Variants in RYR2 observed in about 807,000 individuals in gnomAD.
RYR2 encodes ryanodine receptor 2.
In RYR2, 227 loss-of-function variants were observed where a neutral mutation model predicts 601.1. The ratio of observed to expected loss-of-function variants is 0.38; its 90% CI spans 0.34 to 0.42. RYR2 has a LOEUF of 0.42. RYR2 is among the 10% of genes least tolerant of loss of function. The pLI is 1.00. For missense variants in RYR2, 4,646 were observed against 6,156.5 expected, an observed-to-expected ratio of 0.75 and a Z score of 8.21; for synonymous variants, 2,223 against 2,175.1, an observed-to-expected ratio of 1.02 and a Z score of -0.61.
At chr1:237,161,396 G>T (rs1675999338) in intron 1 of RYR2, among the ~76,000 whole-genome samples, 1 of 151,930 alleles carries the variant, frequency 6.6e-6, no homozygotes, top group Admixed American at 6.6e-5. Context: ...AGTTGATAAT[G>T]AATTTAAATA....
In RYR2 at chr1:237,614,489, C is replaced by T; in HGVS notation, c.5361C>T (p.Leu1787=). 2 of 1,614,032 alleles carry T rather than the reference C, an allele frequency of 1.2e-6. No homozygotes were observed. Among genetic ancestry groups the T allele is most frequent in the Non-Finnish European group, 1.7e-6 (2 of 1,179,888 alleles). The change falls in exon 37 of 105, where the codon CTC becomes CTT. Residue 1787 remains leucine (L), a synonymous_variant. Coordinates refer to ENST00000366574, the MANE Select transcript of RYR2 (RefSeq NM_001035.3). This position sits in a 1 kb window ranked among gnomAD's most constrained non-coding sequence, Gnocchi z 4.3. ...GTCCAGAGTTCCCACTGGACATCCTCAAGTCCAAAACCATACAGATGCTGA... is the reference window on the plus strand; with the variant it reads ...GTCCAGAGTTCCCACTGGACATCCTTAAGTCCAAAACCATACAGATGCTGA... ...QYSPEFPLDI[L]KSKTIQMLTE...
chr1:237,236,783 A>G (rs957560266), intron 1 of RYR2, among the ~76,000 whole-genome samples: 10 of 152,156 alleles, frequency 6.6e-5, no homozygotes, highest in Admixed American at 6.5e-5. Context: ...TTGAGATATC[A>G]TGTTGAGGAA....
At chr1:237,355,864 T>C (rs1396533243) in intron 3 of RYR2, 101 bp from the exon 4 acceptor site, 1 of 1,024,144 alleles carries the variant, frequency 9.8e-7, no homozygotes, top group Non-Finnish European at 1.5e-6. Context: ...TAGATTGTGG[T>C]GCAAGGACCA....
intron 104 of RYR2, 146 bp from the exon 105 acceptor site, chr1:237,832,406 G>T (rs143446190): frequency 6.3e-6 from 3 of 475,618 alleles, no homozygotes; most frequent in Non-Finnish European, 7.6e-6. Context: ...AGACGTTAAG[G>T]TCTGGTATAG....
intron 76 of RYR2, among the ~76,000 whole-genome samples, chr1:237,727,815 C>G (rs924304667): frequency 2.0e-5 from 3 of 152,108 alleles, no homozygotes; most frequent in Non-Finnish European, 2.9e-5. Flanking sequence ...ATAGAGCAGA[C>G]ATACTTAATA....
chr1:237,422,209 A>G (rs1480043232), intron 11 of RYR2, among the ~76,000 whole-genome samples: 1 of 152,112 alleles, frequency 6.6e-6, no homozygotes, highest in African/African-American at 2.4e-5. Context: ...TGATTTTTCT[A>G]TTTTATCCTA....
intron 2 of RYR2, among the ~76,000 whole-genome samples, chr1:237,273,840 A>G (rs1364961607): frequency 6.7e-6 from 1 of 148,942 alleles, no homozygotes; most frequent in Admixed American, 6.7e-5. Flanking sequence ...GAGATATATA[A>G]AAATATATTT....
rs111844900 is a variant in RYR2, at chr1:237,725,339, T to C, written c.10690-934T>C. 9.8e-3 allele frequency among the ~76,000 whole-genome samples: 1,496 copies of C among 152,282 alleles called. 26 individuals carry two copies. The highest frequency in any genetic ancestry group is 0.029 in the African/African-American group (1,206 of 41,578). ...GTGGGAGATATCCTCGTGTTTAATT[T>C]ATGCCTTTAATATCCCTCTGCTAAT... On this transcript the variant is annotated intron_variant, in intron 74 of 104. Coordinates refer to ENST00000366574, the MANE Select transcript of RYR2 (RefSeq NM_001035.3).
In RYR2 at chr1:237,828,464, G is replaced by A. The variant is rs763869826; in HGVS notation, c.14655+19G>A. On this transcript the variant is annotated intron_variant, in intron 102 of 104. Coordinates refer to ENST00000366574, the MANE Select transcript of RYR2 (RefSeq NM_001035.3). Reference sequence around the variant, plus strand: ...CATGGAGGTAAGCTTCTCCATTCATGACTCAGCTTCTTTGTTGTCCTGGGC... The same window carrying A: ...CATGGAGGTAAGCTTCTCCATTCATAACTCAGCTTCTTTGTTGTCCTGGGC... 38 of 1,528,202 alleles carry A rather than the reference G, an allele frequency of 2.5e-5. No homozygotes were observed. Among genetic ancestry groups the A allele is most frequent in the African/African-American group, 4.1e-5 (3 of 72,918 alleles). The allele number at this position is 1,528,202 out of a possible 1,614,324, so 94.7% of individuals were successfully genotyped here. A position where few individuals can be genotyped will look rare whatever the true frequency, so the allele number is the denominator to read the frequency against.
intron 2 of RYR2, among the ~76,000 whole-genome samples, chr1:237,313,568 C>T (rs1164875901): frequency 6.6e-6 from 1 of 152,126 alleles, no homozygotes; most frequent in African/African-American, 2.4e-5. Context: ...GGCGAGCTTC[C>T]AGAAAGAATC....
At chr1:237,356,022 C>T (rs1558676042) in intron 4 of RYR2, 37 bp downstream of exon 4, 4 of 1,585,842 alleles carry the variant, frequency 2.5e-6, no homozygotes, top group Non-Finnish European at 3.4e-6. Context: ...AAATTGTGAT[C>T]TAAAAGTGCA....
intron 88 of RYR2, among the ~76,000 whole-genome samples, chr1:237,780,348 A>AAG (rs1266748370): frequency 6.6e-6 from 1 of 152,168 alleles, no homozygotes; most frequent in Non-Finnish European, 1.5e-5. Context: ...AGACCCTCAC[A>AAG]AGAGAGTTCT....
At chr1:237,291,208 A>AT (rs1318346814) in intron 2 of RYR2, among the ~76,000 whole-genome samples, 14 of 152,048 alleles carry the variant, frequency 9.2e-5, no homozygotes, top group African/African-American at 3.1e-4. Flanking sequence ...TGTCAATGTT[A>AT]TTTTTTGTAA....
chr1:237,303,784 G>A (rs898249074), intron 2 of RYR2, among the ~76,000 whole-genome samples: 1 of 152,134 alleles, frequency 6.6e-6, no homozygotes, highest in African/African-American at 2.4e-5. Flanking sequence ...ATCTGCCTCA[G>A]TGATAACTCA....
At position 237,806,327 on chromosome 1, in the gene RYR2, C is replaced by T. The variant is rs751281428; in HGVS notation, c.14298+44C>T. The T allele has an allele frequency of 1.9e-6, 3 of 1,560,528 alleles. No individual in the cohort carries two copies. In the African/African-American group the frequency reaches 4.1e-5, roughly 22 times the overall value. ...TCCTCCCTTGCAGAAAATAAAAAAG[C>T]AACAAATAAAACAAAGAAAAATAAA... On this transcript the variant is annotated intron_variant, in intron 99 of 104. Transcript: ENST00000366574.
chr1:237,566,594 C>T lies in RYR2; in HGVS notation c.3242C>T (p.Thr1081Ile). 6.2e-7 allele frequency: 1 copy of T among 1,613,948 alleles called. No individual in the cohort carries two copies. Among genetic ancestry groups the T allele is most frequent in the Non-Finnish European group, 8.5e-7 (1 of 1,179,872 alleles). ...HAARAEVCSG[T>I]GERFRIFRAE... ...GCCAGAGCCGAAGTGTGCAGCGGCA[C>T]CGGGGAAAGGTTCCGAATCTTCCGT... The change falls in exon 28 of 105, where the codon ACC becomes ATC. Residue 1081 changes from threonine to isoleucine, a missense_variant. By Grantham distance (89) the Thr-to-Ile change is moderately conservative. This residue lies in a region of RYR2 where 1,807 missense variants were observed against 2,088.1 expected (regional missense o/e 0.87). Coordinates refer to ENST00000366574, the MANE Select transcript of RYR2 (RefSeq NM_001035.3).
chr1:237,643,771 C>A (rs1681832796), intron 48 of RYR2, among the ~76,000 whole-genome samples: 1 of 151,722 alleles, frequency 6.6e-6, no homozygotes. Context: ...CGTCACCATG[C>A]CCGGCTAATT....
At chr1:237,800,580 CTAAAACAT>C (rs1156274863) in intron 97 of RYR2, among the ~76,000 whole-genome samples, 3 of 152,016 alleles carry the variant, frequency 2.0e-5, no homozygotes, top group Non-Finnish European at 2.9e-5. Flanking sequence ...TCAATAAAGA[CTAAAACAT>C]TAAATCTAGA....
intron 1 of RYR2, among the ~76,000 whole-genome samples, chr1:237,122,313 T>C (rs1381564768): frequency 6.6e-6 from 1 of 152,218 alleles, no homozygotes; most frequent in African/African-American, 2.4e-5. Context: ...AGAAGTACAA[T>C]GTTTCCTTTG....
Sources: allele counts gnomAD v4.1 joint callset (sites outside exome capture counted in the v4.1 genomes callset), GRCh38; gene constraint gnomAD v4.1.1; regional missense constraint gnomAD v4.1.1; non-coding constraint Gnocchi (gnomAD v3.1); transcripts MANE v1.5; gene names NCBI Gene and HGNC (gene_info 2026-07-23, HGNC 2026-07-21).